MMD2: variants seen among roughly 807,000 people sequenced by gnomAD.
The protein encoded by MMD2 is monocyte to macrophage differentiation associated 2.
MMD2 carries 30 observed loss-of-function variants against 33.5 expected under a neutral mutation model. The ratio of observed to expected loss-of-function variants is 0.90; its 90% CI spans 0.67 to 1.22. MMD2 has a LOEUF of 1.22. MMD2 is among the 50% of genes most tolerant of loss of function. MMD2 has a pLI of 0.00. For missense variants in MMD2, 364 were observed against 325.4 expected (o/e 1.12, Z -0.91); for synonymous variants, 129 against 123.0 (o/e 1.05, Z -0.32).
At chr7:4,925,296 C>A (rs1347379642) in intron 2 of MMD2, among the ~76,000 whole-genome samples, 155 bp downstream of exon 2, 2 of 149,562 alleles carry the variant, frequency 1.3e-5, no homozygotes, top group Non-Finnish European at 3.0e-5. Flanking sequence ...ACCCCAGTGG[C>A]CTTCCCTCGA....
At chr7:4,942,177 C>T (rs1001973580) in intron 1 of MMD2, among the ~76,000 whole-genome samples, 2 of 151,998 alleles carry the variant, frequency 1.3e-5, no homozygotes, top group African/African-American at 4.8e-5. Flanking sequence ...TGATCTTGAA[C>T]TCCTGACCTC....
intron 2 of MMD2, among the ~76,000 whole-genome samples, chr7:4,922,562 C>T (rs1344875382): frequency 6.6e-6 from 1 of 152,102 alleles, no homozygotes; most frequent in East Asian, 1.9e-4. Context: ...ATGTTTTGTG[C>T]TATTTTAAAA....
intron 1 of MMD2, among the ~76,000 whole-genome samples, chr7:4,950,737 G>A (rs925552966): frequency 6.9e-6 from 1 of 144,048 alleles, no homozygotes; most frequent in African/African-American, 2.6e-5. Context: ...TTGAGATGGA[G>A]TCTCACTCTG....
chr7:4,899,213 C>T, the MMD2 span, among the ~76,000 whole-genome samples: 6 of 152,084 alleles, frequency 3.9e-5, no homozygotes, highest in Admixed American at 1.3e-4. Flanking sequence ...TTCTCAGCCT[C>T]CAGAACCGTG....
chr7:4,929,309 C>T (rs1016992215), intron 1 of MMD2, among the ~76,000 whole-genome samples: 3 of 152,064 alleles, frequency 2.0e-5, no homozygotes, highest in African/African-American at 7.2e-5. Flanking sequence ...GACACCAACC[C>T]CCATCTCCCA....
intron 5 of MMD2, 74 bp downstream of exon 5, chr7:4,911,071 C>A: frequency 8.0e-7 from 1 of 1,248,408 alleles, no homozygotes; most frequent in African/African-American, 1.5e-5. Context: ...GGACTCTCGG[C>A]AGCCCAGGAG....
chr7:4,951,454 C>T (rs1467013525), intron 1 of MMD2, among the ~76,000 whole-genome samples: 2 of 152,060 alleles, frequency 1.3e-5, no homozygotes, highest in Non-Finnish European at 2.9e-5. Context: ...CCCCAATGGC[C>T]TCATTCTTCA....
intron 5 of MMD2, 151 bp downstream of exon 5, chr7:4,910,994 G>A (rs1784991945): frequency 3.1e-6 from 2 of 637,212 alleles, no homozygotes; most frequent in Admixed American, 3.0e-5. Flanking sequence ...GCAAGACCTG[G>A]TGGCCACCCA....
chr7:4,925,523 G>T lies in MMD2; in HGVS notation c.57C>A (p.Asn19Lys), dbSNP rs1785403262. 1 of 1,570,118 alleles carries T rather than the reference G, an allele frequency of 6.4e-7. No individual in the cohort carries two copies. The highest frequency in any genetic ancestry group is 8.6e-7 in the Non-Finnish European group (1 of 1,156,378). Residue 19 changes from asparagine to lysine, a missense_variant, in exon 2 of 7, where the codon AAC becomes AAA. Asn to Lys is a moderately conservative substitution (Grantham distance 94, BLOSUM62 0). Transcript: ENST00000401401. ...FQKTKYARFM[N>K]HRVPAHKRYQ... Reference sequence around the variant, plus strand: ...ACCTCTTGTGGGCAGGGACTCGGTGGTTCATGAACCTGGAAGGAGAGGGAG... The same window carrying T: ...ACCTCTTGTGGGCAGGGACTCGGTGTTTCATGAACCTGGAAGGAGAGGGAG...
At chr7:4,917,870 C>T (rs1487496751) in intron 3 of MMD2, among the ~76,000 whole-genome samples, 1 of 152,272 alleles carries the variant, frequency 6.6e-6, no homozygotes, top group South Asian at 2.1e-4. Context: ...CTGGGACCCT[C>T]CCCTCCCAAA....
the MMD2 span, among the ~76,000 whole-genome samples, chr7:4,898,203 T>G: frequency 1.5e-3 from 228 of 152,258 alleles, no homozygotes; most frequent in African/African-American, 5.1e-3. Context: ...TTCCTCCTAG[T>G]GGGGTCAGGG....
chr7:4,904,876 C>T (rs1353101231), downstream of MMD2, among the ~76,000 whole-genome samples: 4 of 152,184 alleles, frequency 2.6e-5, no homozygotes, highest in Non-Finnish European at 4.4e-5. Context: ...AAGGATGGGG[C>T]TCCAAGCTGT....
At position 4,959,097 on chromosome 7, in the gene MMD2, C is replaced by G. The variant is rs1297503293; in HGVS notation, c.-80G>C. ...AGCCTGGGGGGCGCGGCGGCGGCAG[C>G]AGCAGGTTGGAGGGCGCGCGGCGGG... On this transcript the variant is annotated 5_prime_UTR_variant, in exon 1 of 7. Coordinates refer to ENST00000401401, the MANE Select transcript of MMD2 (RefSeq NM_198403.4). 8.5e-7 allele frequency: 1 copy of G among 1,182,926 alleles called. No homozygotes were observed. The highest frequency in any genetic ancestry group is 1.1e-6 in the Non-Finnish European group (1 of 934,874). 73.3% of individuals were successfully genotyped at this position (1,182,926 alleles called of 1,614,324 possible).
chr7:4,908,699 C>T (rs1053553248), intron 6 of MMD2, among the ~76,000 whole-genome samples: 4 of 151,748 alleles, frequency 2.6e-5, no homozygotes, highest in East Asian at 2.0e-4. Context: ...GAGTTCGAGA[C>T]CAGCCTGGCC....
chr7:4,945,263 C>T (rs78079208), intron 1 of MMD2, among the ~76,000 whole-genome samples: 18,364 of 126,794 alleles, frequency 0.14, 1,508 homozygotes, highest in Admixed American at 0.24. Flanking sequence ...TTTCCCTCCC[C>T]TTTCTTTCTT....
chr7:4,926,614 C>T (rs1785434771), intron 1 of MMD2, among the ~76,000 whole-genome samples: 1 of 152,134 alleles, frequency 6.6e-6, no homozygotes, highest in African/African-American at 2.4e-5. Flanking sequence ...GGACTTGTTT[C>T]CCCTGTTCTT....
chr7:4,911,395 G>A (rs965334074), intron 4 of MMD2, 149 bp from the exon 5 acceptor site: 11 of 607,858 alleles, frequency 1.8e-5, no homozygotes, highest in Admixed American at 8.9e-5. Flanking sequence ...ACAGGAAGAC[G>A]GGTGAACAGG....
the MMD2 span, among the ~76,000 whole-genome samples, chr7:4,900,161 C>T: frequency 4.6e-5 from 7 of 151,992 alleles, no homozygotes; most frequent in South Asian, 8.3e-4. Flanking sequence ...ATTAGCCAGG[C>T]GTGGTGGCAG....
chr7:4,929,440 T>TGG (rs1247553169), intron 1 of MMD2, among the ~76,000 whole-genome samples: 5 of 151,948 alleles, frequency 3.3e-5, no homozygotes, highest in African/African-American at 1.2e-4. Flanking sequence ...ACGCCGCCCA[T>TGG]CCACCCACCT....
Sources: gnomAD v4.1 joint callset for allele counts (sites outside exome capture counted in the v4.1 genomes callset) on GRCh38, gnomAD v4.1.1 for gene constraint, MANE v1.5 for transcripts, NCBI Gene and HGNC (gene_info 2026-07-23, HGNC 2026-07-21) for gene names.